Variants in KRT72 observed in about 807,000 individuals in gnomAD.
KRT72 encodes the protein keratin 72.
In KRT72, 44 loss-of-function variants were observed where a neutral mutation model predicts 44.7. That is an observed-to-expected ratio of 0.98 (90% CI 0.77 to 1.27). The LOEUF is 1.27. KRT72 is among the 50% of genes most tolerant of loss of function. KRT72 has a pLI of 0.00. For synonymous variants in KRT72, 302 were observed against 280.4 expected (o/e 1.08, Z -0.77); for missense variants, 736 against 667.1 (o/e 1.10, Z -1.14).
At chr12:52,587,434 C>T (rs569709631) in intron 7 of KRT72, among the ~76,000 whole-genome samples, 197 bp downstream of exon 7, 2 of 152,306 alleles carry the variant, frequency 1.3e-5, no homozygotes, top group South Asian at 4.1e-4. Flanking sequence ...AATACCTCCT[C>T]TCCCACAGCC....
chr12:52,588,287 C>T (rs1223729612), intron 6 of KRT72, among the ~76,000 whole-genome samples: 3 of 152,196 alleles, frequency 2.0e-5, no homozygotes, highest in African/African-American at 7.2e-5. Context: ...TAATAAAGTT[C>T]CTATTAATAA....
rs979959551 is a variant in KRT72, at chr12:52,590,171, C to A, written c.1089+665G>T. ...CATGGGTTTGCTTGCTTTAGAGCCA[C>A]AGATGTGGTTGCACGGGTACTACCT... On this transcript the variant is annotated intron_variant, in intron 6 of 8. Coordinates refer to ENST00000293745, the MANE Select transcript of KRT72 (RefSeq NM_080747.3). 3.9e-5 allele frequency among the ~76,000 whole-genome samples: 6 copies of A among 152,126 alleles called. No individual in the cohort carries two copies. In the East Asian group the frequency reaches 1.2e-3, roughly 29 times the overall value.
chr12:52,590,729 G>T, intron 6 of KRT72, 107 bp downstream of exon 6: 1 of 1,056,228 alleles, frequency 9.5e-7, no homozygotes, highest in African/African-American at 1.6e-5. Flanking sequence ...TGGTAAATTA[G>T]AGGAGGCCCT....
In KRT72 at chr12:52,590,939, G is replaced by T; in HGVS notation, c.986C>A (p.Ala329Glu). The change falls in exon 6 of 9, where the codon GCA (alanine) becomes GAA (glutamate). Residue 329 changes from alanine (A) to glutamate (E), a missense_variant. Transcript: ENST00000293745. Reference sequence around the variant, plus strand: ...CTTGAGGTCATCCCCATGCTGGCCTGCTGTGACCTGCAGCTCCTGGATCTG... The same window carrying T: ...CTTGAGGTCATCCCCATGCTGGCCTTCTGTGACCTGCAGCTCCTGGATCTG... ...QTKIQELQVT[A>E]GQHGDDLKLT... 1 of 1,600,290 alleles carries T rather than the reference G, an allele frequency of 6.2e-7. No individual in the cohort carries two copies.
chr12:52,591,021 C>T (rs1939994464), intron 5 of KRT72, 60 bp from the exon 6 acceptor site: 6 of 1,467,816 alleles, frequency 4.1e-6, no homozygotes, highest in South Asian at 1.5e-5. Flanking sequence ...GGGCAGGTCC[C>T]TTTTCTTCTG....
Position 52,585,938 on chromosome 12 carries a change from G to C in KRT72, c.*44C>G. The C allele has an allele frequency of 5.2e-6, 8 of 1,552,642 alleles. No homozygotes were observed. Among genetic ancestry groups the C allele is most frequent in the Non-Finnish European group, 7.1e-6 (8 of 1,134,702 alleles). On this transcript the variant is annotated 3_prime_UTR_variant, in exon 9 of 9. Transcript: ENST00000293745. ...CCAGGGAAGGAGAGGGAGGAGACGG[G>C]TGAGTTGGGAAGCCTTCTGCTCACA...
At chr12:52,596,489 A>T (rs908818520) in intron 2 of KRT72, among the ~76,000 whole-genome samples, 13 of 152,054 alleles carry the variant, frequency 8.5e-5, no homozygotes, top group African/African-American at 3.1e-4. Flanking sequence ...TGGATAACTC[A>T]ACCCAAAATA....
At position 52,587,699 on chromosome 12, in the gene KRT72, C is replaced by T; in HGVS notation, c.1242G>A (p.Val414=). 6.2e-7 allele frequency: 1 copy of T among 1,614,190 alleles called. No individual in the cohort carries two copies. Among genetic ancestry groups the T allele is most frequent in the Non-Finnish European group, 8.5e-7 (1 of 1,180,036 alleles). The change falls in exon 7 of 9, where the codon GTG becomes GTA. Residue 414 remains valine, a synonymous_variant. Transcript: ENST00000293745. ...ARMLREYQEL[V]SLKLALDMEI... ...CCATATCCAGGGCCAGCTTCAGGCT[C>T]ACGAGCTCCTGGTACTCACGCAGCA...
chr12:52,587,607 A>C (rs1239060651), intron 7 of KRT72, 24 bp downstream of exon 7: 1 of 1,613,200 alleles, frequency 6.2e-7, no homozygotes, highest in Non-Finnish European at 8.5e-7. Flanking sequence ...ACTGGTCCCG[A>C]CACAAGGGTA....
At chr12:52,594,779 C>T (rs1473148656) in intron 2 of KRT72, among the ~76,000 whole-genome samples, 1 of 152,156 alleles carries the variant, frequency 6.6e-6, no homozygotes, top group Non-Finnish European at 1.5e-5. Flanking sequence ...TGTTGAATGG[C>T]TGAGCAGTGC....
chr12:52,586,946 A>C lies in KRT72; in HGVS notation c.1345T>G (p.Ser449Ala), dbSNP rs1454471326. The change falls in exon 8 of 9, where the codon TCC (serine) becomes GCC (alanine). Residue 449 changes from serine to alanine, a missense_variant and splice_region_variant. Transcript: ENST00000293745. ...SGEYPNSVSI[S>A]VISSTNAGAG... ...AGAACTGAGATCTGCAGATACTTAC[A>C]GATGCTCACAGAATTTGGATATTCG... 2 of 1,613,692 alleles carry C rather than the reference A, an allele frequency of 1.2e-6. No individual in the cohort carries two copies. The highest frequency in any genetic ancestry group is 2.2e-5 in the South Asian group (2 of 91,058).
chr12:52,588,622 C>A (rs1242546100), intron 6 of KRT72, among the ~76,000 whole-genome samples: 1 of 152,168 alleles, frequency 6.6e-6, no homozygotes, highest in African/African-American at 2.4e-5. Flanking sequence ...CCATGGCACA[C>A]GTTTACCTAT....
chr12:52,589,925 CAACTT>C (rs1565615969), intron 6 of KRT72, among the ~76,000 whole-genome samples: 2 of 152,170 alleles, frequency 1.3e-5, no homozygotes, highest in African/African-American at 4.8e-5. Flanking sequence ...TAAACAAAAA[CAACTT>C]AAGTTATTTA....
chr12:52,600,019 G>A (rs149523364), intron 1 of KRT72, among the ~76,000 whole-genome samples: 2 of 152,260 alleles, frequency 1.3e-5, no homozygotes, highest in East Asian at 3.9e-4. Flanking sequence ...CATCCAGGTG[G>A]AGACAAGAGA....
intron 6 of KRT72, among the ~76,000 whole-genome samples, chr12:52,589,015 T>TATTA (rs921178696): frequency 4.8e-5 from 7 of 145,230 alleles, no homozygotes; most frequent in Non-Finnish European, 1.0e-4. Flanking sequence ...TATATATATA[T>TATTA]ATTAATTAAT....
chr12:52,590,451 C>A (rs2120737993), intron 6 of KRT72, among the ~76,000 whole-genome samples: 1 of 152,336 alleles, frequency 6.6e-6, no homozygotes, highest in East Asian at 1.9e-4. Context: ...CAGTGGTGTA[C>A]CCTGCTCCCT....
At position 52,590,892 on chromosome 12, in the gene KRT72, C is replaced by T; in HGVS notation, c.1033G>A (p.Glu345Lys). ...DLKLTKAEIS[E>K]LNRLIQRIRS... Reference sequence around the variant, plus strand: ...ATCCTCTGGATCAGGCGGTTGAGCTCAGAGATTTCAGCCTTGGTGAGCTTG... The same window carrying T: ...ATCCTCTGGATCAGGCGGTTGAGCTTAGAGATTTCAGCCTTGGTGAGCTTG... The change falls in exon 6 of 9, where the codon GAG becomes AAG. Residue 345 changes from glutamate to lysine, a missense_variant. Physicochemically the swap from Glu to Lys is moderately conservative, Grantham distance 56. Transcript: ENST00000293745. The T allele has an allele frequency of 6.2e-7, 1 of 1,607,508 alleles. No individual in the cohort carries two copies. Among genetic ancestry groups the T allele is most frequent in the South Asian group, 1.1e-5 (1 of 90,286 alleles).
chr12:52,596,366 C>A (rs7295084), intron 2 of KRT72, among the ~76,000 whole-genome samples: 23,145 of 152,012 alleles, frequency 0.15, 2,542 homozygotes, highest in African/African-American at 0.31. Flanking sequence ...GATAACTAAG[C>A]CACTTAGAAA....
chr12:52,587,630 C>A lies in KRT72; in HGVS notation c.1310+1G>T. On this transcript the variant is annotated splice_donor_variant, in intron 7 of 8. Transcript: ENST00000293745. LOFTEE classifies it high-confidence loss of function. The stretch of plus-strand genomic sequence containing the variant: ...CGACACAAGGGTATCCGGCCCCTCA[C>A]CTGCACTCCTCGCTCTCCAGCAGCT... 1.9e-6 allele frequency: 3 copies of A among 1,614,196 alleles called. No homozygotes were observed. Among genetic ancestry groups the A allele is most frequent in the Non-Finnish European group, 2.5e-6 (3 of 1,180,026 alleles).
Sources: gnomAD v4.1 joint callset for allele counts (sites outside exome capture counted in the v4.1 genomes callset) on GRCh38, gnomAD v4.1.1 for gene constraint, MANE v1.5 for transcripts, NCBI Gene and HGNC (gene_info 2026-07-23, HGNC 2026-07-21) for gene names.